The following NRG1 variants were observed in gnomAD, a reference collection of about 807,000 sequenced individuals.
The protein encoded by NRG1 is neuregulin 1.
In NRG1, 18 loss-of-function variants were observed where a neutral mutation model predicts 63.8. The ratio of observed to expected loss-of-function variants is 0.28; its 90% confidence interval spans 0.19 to 0.42. The LOEUF (loss-of-function observed/expected upper bound fraction) is 0.42. Among genes scored for constraint, NRG1 ranks in the 10% least tolerant of loss-of-function variants. The pLI is 1.00. For missense variants in NRG1, 762 were observed against 814.7 expected, an observed-to-expected ratio of 0.94 and a Z score of 0.79; for synonymous variants, 302 against 301.3, an observed-to-expected ratio of 1.00 and a Z score of -0.02.
intron 1 of NRG1, among the ~76,000 whole-genome samples, chr8:31,841,042 A>G (rs1826154549): frequency 2.0e-5 from 3 of 152,168 alleles, no homozygotes; most frequent in East Asian, 1.9e-4. Flanking sequence ...GACAAATTAG[A>G]ACTCCTTTTC....
At chr8:32,255,034 T>C (rs1849535237) in intron 1 of NRG1, among the ~76,000 whole-genome samples, 1 of 152,224 alleles carries the variant, frequency 6.6e-6, no homozygotes, top group Non-Finnish European at 1.5e-5. Flanking sequence ...TTTCTTGCTT[T>C]CCATATCTTG....
intron 1 of NRG1, among the ~76,000 whole-genome samples, chr8:31,909,322 A>G (rs1200027326): frequency 1.3e-5 from 2 of 152,070 alleles, no homozygotes; most frequent in Admixed American, 6.5e-5. Flanking sequence ...CAGAGAAGAC[A>G]TTTTACAGAG....
At chr8:32,083,045 G>C (rs1395826214) in intron 1 of NRG1, among the ~76,000 whole-genome samples, 6 of 152,146 alleles carry the variant, frequency 3.9e-5, no homozygotes, top group Admixed American at 3.9e-4. Context: ...TGAGTTACAA[G>C]AATCTGTTTT....
intron 1 of NRG1, among the ~76,000 whole-genome samples, chr8:32,018,830 A>T (rs925181962): frequency 2.6e-5 from 4 of 152,366 alleles, no homozygotes; most frequent in Admixed American, 2.0e-4. Context: ...CTCTTGCAAA[A>T]TAGTTGAACT....
chr8:31,935,973 A>G (rs1835267932), intron 1 of NRG1, among the ~76,000 whole-genome samples: 1 of 152,200 alleles, frequency 6.6e-6, no homozygotes, highest in South Asian at 2.1e-4. Context: ...AGAGAAGAGC[A>G]TAATAGCAGA....
chr8:32,586,118 A>T (rs1274024565), intron 1 of NRG1, among the ~76,000 whole-genome samples: 2 of 150,930 alleles, frequency 1.3e-5, no homozygotes, highest in African/African-American at 4.9e-5. Context: ...GTACTCAAGT[A>T]TCAGCTATTA....
chr8:32,188,349 G>A (rs1331740817), intron 1 of NRG1, among the ~76,000 whole-genome samples: 5 of 152,204 alleles, frequency 3.3e-5, no homozygotes, highest in Admixed American at 6.5e-5. Context: ...TTACAGGCGT[G>A]AACCACTACG....
At chr8:32,617,444 A>C (rs541079914) in intron 5 of NRG1, among the ~76,000 whole-genome samples, 2 of 152,320 alleles carry the variant, frequency 1.3e-5, no homozygotes, top group African/African-American at 4.8e-5. Flanking sequence ...TTTAATGTGA[A>C]ATGGGCTTTG....
intron 1 of NRG1, among the ~76,000 whole-genome samples, chr8:32,166,060 A>G (rs563864185): frequency 6.6e-6 from 1 of 152,284 alleles, no homozygotes; most frequent in South Asian, 2.1e-4. Flanking sequence ...TAAGACATTT[A>G]CTTGGAAGTA....
chr8:31,913,284 G>T (rs1833098027), intron 1 of NRG1, among the ~76,000 whole-genome samples: 2 of 152,124 alleles, frequency 1.3e-5, no homozygotes, highest in African/African-American at 4.8e-5. Context: ...GAACCGGTGT[G>T]CTCTTCCCTC....
intron 1 of NRG1, among the ~76,000 whole-genome samples, chr8:32,484,895 A>C (rs1413703093): frequency 6.6e-6 from 1 of 152,202 alleles, no homozygotes; most frequent in African/African-American, 2.4e-5. Flanking sequence ...TCATACCATC[A>C]TCTATCCTTC....
chr8:32,415,331 C>A (rs1378076136), intron 1 of NRG1, among the ~76,000 whole-genome samples: 2 of 147,856 alleles, frequency 1.4e-5, no homozygotes, highest in African/African-American at 2.5e-5. Context: ...TTGCTTGAAC[C>A]CGGAGGTGGA....
intron 7 of NRG1, among the ~76,000 whole-genome samples, chr8:32,748,215 A>T (rs1038230807): frequency 6.6e-6 from 1 of 152,116 alleles, no homozygotes; most frequent in African/African-American, 2.4e-5. Flanking sequence ...ATATCATTGA[A>T]TAGCCCTTGT....
At chr8:32,349,486 G>A (rs2129479457) in intron 1 of NRG1, among the ~76,000 whole-genome samples, 1 of 152,248 alleles carries the variant, frequency 6.6e-6, no homozygotes, top group East Asian at 1.9e-4. Flanking sequence ...AAGTGTGAAG[G>A]AGACTTACTT....
chr8:31,956,194 C>T (rs1328620829), intron 1 of NRG1, among the ~76,000 whole-genome samples: 1 of 151,932 alleles, frequency 6.6e-6, no homozygotes, highest in Non-Finnish European at 1.5e-5. Flanking sequence ...TTGTGAATTC[C>T]CCAAGCCCAG....
intron 1 of NRG1, among the ~76,000 whole-genome samples, chr8:32,121,019 T>C (rs1367569300): frequency 2.0e-5 from 3 of 152,020 alleles, no homozygotes; most frequent in Non-Finnish European, 4.4e-5. Flanking sequence ...CAGATGCTGG[T>C]CAATTAGTTT....
At chr8:32,098,409 A>G (rs1319095901) in intron 1 of NRG1, among the ~76,000 whole-genome samples, 1 of 152,198 alleles carries the variant, frequency 6.6e-6, no homozygotes, top group Non-Finnish European at 1.5e-5. Flanking sequence ...TGGCTGTTAA[A>G]CAAGGTCTCA....
intron 1 of NRG1, among the ~76,000 whole-genome samples, chr8:32,482,380 TTTTC>T (rs1825403335): frequency 7.5e-6 from 1 of 134,092 alleles, no homozygotes; most frequent in Admixed American, 7.9e-5. Context: ...TTGGGGGTTG[TTTTC>T]TTTCTTTCTA....
chr8:31,756,428 T>C (rs1816971184), intron 1 of NRG1, among the ~76,000 whole-genome samples: 1 of 152,078 alleles, frequency 6.6e-6, no homozygotes, highest in Non-Finnish European at 1.5e-5. Flanking sequence ...GTCAACCTCC[T>C]GGACACAGCT....
Sources: gnomAD v4.1 joint callset for allele counts (sites outside exome capture counted in the v4.1 genomes callset) on GRCh38, gnomAD v4.1.1 for gene constraint, MANE v1.5 for transcripts, NCBI Gene and HGNC (gene_info 2026-07-23, HGNC 2026-07-21) for gene names.